PPM1H: variants seen among roughly 807,000 people sequenced by gnomAD.
PPM1H encodes the protein protein phosphatase 1H.
PPM1H carries 27 observed loss-of-function variants against 54.9 expected under a neutral mutation model. That is an observed-to-expected ratio of 0.49 (90% confidence interval 0.36 to 0.68). PPM1H has a LOEUF of 0.68. PPM1H is among the 30% of genes least tolerant of loss of function. The pLI is 0.00. For synonymous variants in PPM1H, 305 were observed against 270.8 expected (o/e 1.13, Z -1.24); for missense variants, 596 against 667.8 (o/e 0.89, Z 1.19).
At chr12:62,687,983 TG>T (rs199796916) in intron 8 of PPM1H, among the ~76,000 whole-genome samples, 4,120 of 135,340 alleles carry the variant, frequency 0.03, 223 homozygotes, top group African/African-American at 0.11. Flanking sequence ...CACTCCAGCC[TG>T]GGCAACAGAG....
At chr12:62,898,164 C>A (rs1413383700) in intron 1 of PPM1H, among the ~76,000 whole-genome samples, 1 of 152,146 alleles carries the variant, frequency 6.6e-6, no homozygotes. Flanking sequence ...ATTTCATTGT[C>A]AATGGATGCA....
At chr12:62,651,291 T>TA (rs1485403647) in intron 9 of PPM1H, among the ~76,000 whole-genome samples, 1 of 152,036 alleles carries the variant, frequency 6.6e-6, no homozygotes, top group African/African-American at 2.4e-5. Flanking sequence ...GAAAAAGAGA[T>TA]AGACAGACAC....
At chr12:62,652,823 C>A (rs1179793082) in intron 9 of PPM1H, among the ~76,000 whole-genome samples, 1 of 152,116 alleles carries the variant, frequency 6.6e-6, no homozygotes, top group African/African-American at 2.4e-5. Flanking sequence ...ATAAATAAAC[C>A]AACATACTAA....
rs1868885671 is a variant in PPM1H, at chr12:62,844,560, C to T, written c.246-12281G>A. On this transcript the variant is annotated intron_variant, in intron 1 of 9. Transcript: ENST00000228705. The surrounding 1 kb of genome is among the most constrained non-coding windows in gnomAD (Gnocchi z 5.2). ...TTTCACACTTTGAAGGAGACAAATG[C>T]GCTGAATGTAAGCGATTTTAAATTA... 1.3e-5 allele frequency among the ~76,000 whole-genome samples: 2 copies of T among 152,148 alleles called. No homozygotes were observed. Among genetic ancestry groups the T allele is most frequent in the Admixed American group, 6.5e-5 (1 of 15,272 alleles).
At chr12:62,840,605 A>G (rs1016209139) in intron 1 of PPM1H, among the ~76,000 whole-genome samples, 7 of 152,190 alleles carry the variant, frequency 4.6e-5, no homozygotes, top group Non-Finnish European at 7.3e-5. Flanking sequence ...AAGGAAATCA[A>G]CACTCAGAGA....
At chr12:62,880,001 A>C (rs548900929) in intron 1 of PPM1H, among the ~76,000 whole-genome samples, 1 of 152,180 alleles carries the variant, frequency 6.6e-6, no homozygotes, top group Non-Finnish European at 1.5e-5. Context: ...AGGTCTGCCA[A>C]ATTATATTAT....
At chr12:62,763,425 G>C (rs1214136912) in intron 4 of PPM1H, among the ~76,000 whole-genome samples, 1 of 152,240 alleles carries the variant, frequency 6.6e-6, no homozygotes. Flanking sequence ...GGCATCAGGA[G>C]CAGAGGTCCT....
chr12:62,886,395 T>C (rs1870590238), intron 1 of PPM1H, among the ~76,000 whole-genome samples: 2 of 152,250 alleles, frequency 1.3e-5, no homozygotes, highest in South Asian at 4.1e-4. Flanking sequence ...TTTGGATGTG[T>C]ACAATCTCAT....
intron 9 of PPM1H, among the ~76,000 whole-genome samples, chr12:62,665,690 T>C (rs543129419): frequency 1.3e-5 from 2 of 152,360 alleles, no homozygotes; most frequent in African/African-American, 2.4e-5. Flanking sequence ...AAAAATTGTT[T>C]AGTCATTTTT....
At chr12:62,705,991 T>C (rs749650898) in intron 6 of PPM1H, among the ~76,000 whole-genome samples, 1 of 152,176 alleles carries the variant, frequency 6.6e-6, no homozygotes, top group Non-Finnish European at 1.5e-5. Flanking sequence ...TCACGAAGCT[T>C]CTCCCACTCT....
chr12:62,837,494 C>G (rs957092506), intron 1 of PPM1H, among the ~76,000 whole-genome samples: 2 of 152,186 alleles, frequency 1.3e-5, no homozygotes, highest in Non-Finnish European at 2.9e-5. Flanking sequence ...AACACCAACT[C>G]TCTCTCCCTC....
At chr12:62,798,313 CTT>C (rs1287204559) in intron 3 of PPM1H, among the ~76,000 whole-genome samples, 2 of 152,174 alleles carry the variant, frequency 1.3e-5, no homozygotes, top group African/African-American at 4.8e-5. Flanking sequence ...TAAATCAACA[CTT>C]TGCGTGAGGT....
chr12:62,803,323 G>A (rs193187006), intron 2 of PPM1H, among the ~76,000 whole-genome samples: 43 of 152,232 alleles, frequency 2.8e-4, no homozygotes, highest in Non-Finnish European at 5.4e-4. Context: ...TTACACACGT[G>A]TTAGATCTTA....
intron 1 of PPM1H, among the ~76,000 whole-genome samples, chr12:62,861,923 G>C (rs1476989890): frequency 6.6e-6 from 1 of 152,204 alleles, no homozygotes; most frequent in Non-Finnish European, 1.5e-5. Context: ...AAAATTTCTA[G>C]ATTTTTGAAA....
intron 1 of PPM1H, among the ~76,000 whole-genome samples, chr12:62,896,484 C>A (rs1592660602): frequency 6.6e-6 from 1 of 152,208 alleles, no homozygotes; most frequent in East Asian, 1.9e-4. Flanking sequence ...ATGCAGCCAA[C>A]AGACATATGA....
At chr12:62,885,381 G>T (rs1395365850) in intron 1 of PPM1H, among the ~76,000 whole-genome samples, 1 of 152,184 alleles carries the variant, frequency 6.6e-6, no homozygotes, top group Admixed American at 6.5e-5. Context: ...GACAGCAAAA[G>T]AGGGTTGGCT....
Position 62,832,199 on chromosome 12 carries a change from G to T in PPM1H, c.326C>A (p.Ala109Asp), listed in dbSNP as rs758428692. The change falls in exon 2 of 10, where the codon GCC becomes GAC. Residue 109 changes from alanine (A) to aspartate (D), a missense_variant. Physicochemically the swap from Ala to Asp is moderately radical, Grantham distance 126 (BLOSUM62 -2). This residue lies in a region of PPM1H where 382 missense variants were observed against 387.1 expected (regional missense o/e 0.99). Coordinates refer to ENST00000228705, the MANE Select transcript of PPM1H (RefSeq NM_020700.2). ...GTTCCTGTTTGGGGTTGAGGTCACGGCCCCTGCCTTCTTCTTCACAGTGAG... is the reference window on the plus strand; with the variant it reads ...GTTCCTGTTTGGGGTTGAGGTCACGTCCCCTGCCTTCTTCTTCACAGTGAG... ...EVLTVKKKAGAVTSTPNRNSS... is the reference protein window; with the variant it reads ...EVLTVKKKAGDVTSTPNRNSS... 1 of 1,613,698 alleles carries T rather than the reference G, an allele frequency of 6.2e-7. No homozygotes were observed.
Position 62,689,714 on chromosome 12 carries a change from C to G in PPM1H, c.1230G>C (p.Leu410=), listed in dbSNP as rs766532537. 1 of 1,613,388 alleles carries G rather than the reference C, an allele frequency of 6.2e-7. No individual in the cohort carries two copies. Among genetic ancestry groups the G allele is most frequent in the South Asian group, 1.1e-5 (1 of 90,970 alleles). Residue 410 remains leucine (L), a synonymous_variant, in exon 8 of 10, where the codon CTG becomes CTC. Coordinates refer to ENST00000228705, the MANE Select transcript of PPM1H (RefSeq NM_020700.2). The part of the protein sequence containing the change: ...HDSNIYIKPF[L]SSAPEVRIYD... The stretch of plus-strand genomic sequence containing the variant: ...CATGCGGTACCTCTGGAGCTGAAGA[C>G]AGGAATGGTTTAATGTAGATGTTGG...
intron 1 of PPM1H, among the ~76,000 whole-genome samples, chr12:62,905,422 G>C (rs764136792): frequency 3.9e-5 from 6 of 152,086 alleles, no homozygotes; most frequent in Non-Finnish European, 8.8e-5. Context: ...GACAATGTGG[G>C]CATCAAAAAT....
Sources: gnomAD v4.1 joint callset for allele counts (sites outside exome capture counted in the v4.1 genomes callset) on GRCh38, gnomAD v4.1.1 for gene constraint, gnomAD v4.1.1 regional missense constraint, Gnocchi (gnomAD v3.1) non-coding constraint, MANE v1.5 for transcripts, NCBI Gene and HGNC (gene_info 2026-07-23, HGNC 2026-07-21) for gene names.